Variants in COG5 observed in about 807,000 individuals in gnomAD.
The protein encoded by COG5 is component of oligomeric golgi complex 5.
In COG5, 86 loss-of-function variants were observed where a neutral mutation model predicts 110.4. The ratio of observed to expected loss-of-function variants is 0.78; its 90% CI spans 0.65 to 0.93. COG5 has a LOEUF of 0.93. Ranked by LOEUF, COG5 falls within the 40% of genes least tolerant of loss-of-function variation. The pLI, the probability that COG5 is intolerant of heterozygous loss-of-function variation, is 0.00. For missense variants in COG5, 1,077 were observed against 987.0 expected, an observed-to-expected ratio of 1.09 and a Z score of -1.22; for synonymous variants, 360 against 334.6, an observed-to-expected ratio of 1.08 and a Z score of -0.83.
intron 1 of COG5, among the ~76,000 whole-genome samples, chr7:107,562,615 T>C (rs575754709): frequency 8.5e-5 from 13 of 152,236 alleles, no homozygotes; most frequent in Non-Finnish European, 1.8e-4. Flanking sequence ...TCAGGGTCTC[T>C]GCCTTGTATC....
At chr7:107,354,344 T>C (rs1812439106) in intron 10 of COG5, among the ~76,000 whole-genome samples, 1 of 152,224 alleles carries the variant, frequency 6.6e-6, no homozygotes, top group African/African-American at 2.4e-5. Flanking sequence ...TAGCATTTGT[T>C]CAGTTTATGA....
At chr7:107,526,115 CATGTA>C in intron 6 of COG5, among the ~76,000 whole-genome samples, 1 of 152,274 alleles carries the variant, frequency 6.6e-6, no homozygotes, top group African/African-American at 2.4e-5. Flanking sequence ...TCAGAAAGAA[CATGTA>C]ATGTACATTT....
At chr7:107,265,424 T>C (rs999431530) in intron 14 of COG5, among the ~76,000 whole-genome samples, 2 of 152,058 alleles carry the variant, frequency 1.3e-5, no homozygotes, top group Non-Finnish European at 2.9e-5. Context: ...ACCACAGGCA[T>C]ATACCACCAT....
chr7:107,346,106 T>C (rs1263799119), intron 10 of COG5, among the ~76,000 whole-genome samples: 1 of 152,182 alleles, frequency 6.6e-6, no homozygotes, highest in Non-Finnish European at 1.5e-5. Context: ...TTTGAGGAAG[T>C]GAAAAATTCA....
intron 6 of COG5, among the ~76,000 whole-genome samples, chr7:107,485,439 A>C (rs1170450961): frequency 6.6e-6 from 1 of 152,188 alleles, no homozygotes; most frequent in Non-Finnish European, 1.5e-5. Context: ...GAAATAAGAC[A>C]ATTTTAAATA....
intron 21 of COG5, among the ~76,000 whole-genome samples, chr7:107,206,881 A>G (rs907510530): frequency 1.3e-5 from 2 of 152,234 alleles, no homozygotes; most frequent in African/African-American, 4.8e-5. Context: ...CATTTGCTTA[A>G]GCAAAACATT....
At chr7:107,222,376 T>C (rs1800000899) in intron 19 of COG5, among the ~76,000 whole-genome samples, 1 of 152,212 alleles carries the variant, frequency 6.6e-6, no homozygotes, top group Non-Finnish European at 1.5e-5. Flanking sequence ...CAGCTAATTT[T>C]TGTATTTTTA....
chr7:107,216,902 A>G (rs1799571996), intron 19 of COG5, among the ~76,000 whole-genome samples: 1 of 152,160 alleles, frequency 6.6e-6, no homozygotes, highest in Non-Finnish European at 1.5e-5. Flanking sequence ...AGAAATAAAT[A>G]CAGACTAGAA....
chr7:107,247,985 C>A (rs1430674128), intron 17 of COG5, among the ~76,000 whole-genome samples: 1 of 151,966 alleles, frequency 6.6e-6, no homozygotes, highest in East Asian at 1.9e-4. Context: ...GAATACCATG[C>A]CTATGCCAAG....
intron 7 of COG5, among the ~76,000 whole-genome samples, chr7:107,402,669 T>C (rs1207202203): frequency 6.6e-6 from 1 of 152,186 alleles, no homozygotes; most frequent in South Asian, 2.1e-4. Flanking sequence ...AGTGAAAGAT[T>C]GTATGGTGAG....
chr7:107,325,770 C>A (rs17154009), intron 10 of COG5, among the ~76,000 whole-genome samples: 2,237 of 152,266 alleles, frequency 0.015, 53 homozygotes, highest in African/African-American at 0.052. Context: ...AACAAAATGA[C>A]CAATGAAAAA....
Position 107,563,544 on chromosome 7 carries a change from TG to T in COG5, c.94+258del, listed in dbSNP as rs71134268. The T allele has an allele frequency of 0.23, 58,440 of 252,348 alleles. 3,398 individuals carry two copies. The highest frequency in any genetic ancestry group is 0.34 in the African/African-American group (10,956 of 32,560). The allele number at this position is 252,348 out of a possible 1,614,324, so 15.6% of individuals were successfully genotyped here. A position where few individuals can be genotyped will look rare whatever the true frequency, so the allele number is the denominator to read the frequency against. On this transcript the variant is annotated intron_variant, in intron 1 of 21. Transcript: ENST00000297135. ...CGAAACTTCAGGGAAGCTGGAGGCA[TG>T]GGGGGGGGGGGGGTCGAGTTGAAAT...
rs751759451 is a variant in COG5, at chr7:107,362,399, A to C, written c.857T>G (p.Met286Arg). 3.0e-5 allele frequency: 48 copies of C among 1,613,818 alleles called. No individual in the cohort carries two copies. The highest frequency in any genetic ancestry group is 3.9e-5 in the Non-Finnish European group (46 of 1,179,824). Residue 286 changes from methionine to arginine, a missense_variant, in exon 9 of 22, where the codon ATG becomes AGG. Coordinates refer to ENST00000297135, the MANE Select transcript of COG5 (RefSeq NM_006348.5). ...AVRGGPGRST[M>R]PTPGNTAALR... ...AGCTGCAGTATTTCCTGGGGTTGGC[A>C]TGGTAGATCGTCCAGGTCCCCCTGG...
At chr7:107,236,937 T>C (rs186692356) in intron 17 of COG5, among the ~76,000 whole-genome samples, 3 of 152,320 alleles carry the variant, frequency 2.0e-5, no homozygotes, top group Admixed American at 2.0e-4. Context: ...CTAAAGATTA[T>C]TAAGAATGAA....
intron 7 of COG5, among the ~76,000 whole-genome samples, chr7:107,396,972 T>C (rs751417117): frequency 2.1e-4 from 32 of 152,246 alleles, no homozygotes; most frequent in Non-Finnish European, 4.3e-4. Context: ...TTACCAAAGA[T>C]ATTTATGGCA....
intron 6 of COG5, among the ~76,000 whole-genome samples, chr7:107,506,303 A>G (rs2520249): frequency 0.28 from 42,929 of 152,108 alleles, 6,104 homozygotes; most frequent in East Asian, 0.33. Flanking sequence ...ACCCAGGGGC[A>G]GTGCTTTGGT....
chr7:107,441,598 A>T (rs1794711847), intron 6 of COG5, among the ~76,000 whole-genome samples: 1 of 152,206 alleles, frequency 6.6e-6, no homozygotes. Context: ...GCACCTTCCC[A>T]ATCTCCAAAT....
At chr7:107,506,651 G>C (rs921261852) in intron 6 of COG5, among the ~76,000 whole-genome samples, 3 of 152,152 alleles carry the variant, frequency 2.0e-5, no homozygotes, top group Non-Finnish European at 4.4e-5. Flanking sequence ...CAGTTTCCCA[G>C]TAGCAGCATC....
At chr7:107,524,425 ACT>A (rs1459102552) in intron 6 of COG5, among the ~76,000 whole-genome samples, 2 of 152,222 alleles carry the variant, frequency 1.3e-5, no homozygotes, top group Non-Finnish European at 2.9e-5. Context: ...TGGTATAAAC[ACT>A]GTTACTCTTC....
Sources: allele counts gnomAD v4.1 joint callset (sites outside exome capture counted in the v4.1 genomes callset), GRCh38; gene constraint gnomAD v4.1.1; transcripts MANE v1.5; gene names NCBI Gene and HGNC (gene_info 2026-07-23, HGNC 2026-07-21).